SP140L: variants seen among roughly 807,000 people sequenced by gnomAD.
SP140L encodes the protein nuclear body protein SP140-like protein.
A neutral mutation model predicts 84.3 loss-of-function variants in SP140L; 64 were observed. The observed-to-expected ratio is 0.76, with a 90% CI of 0.62 to 0.94. The LOEUF is 0.94. SP140L is among the 40% of genes least tolerant of loss of function. The pLI is 0.00. For missense variants in SP140L, 628 were observed against 692.5 expected, an observed-to-expected ratio of 0.91 and a Z score of 1.05; for synonymous variants, 242 against 236.9, an observed-to-expected ratio of 1.02 and a Z score of -0.20.
At chr2:230,355,244 A>C (rs970833743) in intron 2 of SP140L, among the ~76,000 whole-genome samples, 4 of 152,216 alleles carry the variant, frequency 2.6e-5, no homozygotes, top group African/African-American at 7.2e-5. Context: ...GAACTAATAC[A>C]TGAATTTAGC....
chr2:230,393,591 A>C, intron 13 of SP140L, 130 bp downstream of exon 13: 2 of 1,112,132 alleles, frequency 1.8e-6, no homozygotes, highest in South Asian at 2.0e-5. Flanking sequence ...CCCACATATA[A>C]ATTTTTTTAA....
chr2:230,402,765 A>T, intron 18 of SP140L, 33 bp from the exon 19 acceptor site: 1 of 1,526,780 alleles, frequency 6.5e-7, no homozygotes, highest in Non-Finnish European at 9.1e-7. Flanking sequence ...AATGATAAGG[A>T]ACATCGTTTT....
chr2:230,372,780 AT>A (rs2061127997), intron 7 of SP140L: 1 of 151,968 alleles, frequency 6.6e-6, no homozygotes, highest in Non-Finnish European at 1.5e-5. Flanking sequence ...TTAAATAAAA[AT>A]CTAGAAATGA....
chr2:230,375,589 A>T (rs2061218747), intron 7 of SP140L, among the ~76,000 whole-genome samples: 1 of 152,072 alleles, frequency 6.6e-6, no homozygotes, highest in Non-Finnish European at 1.5e-5. Context: ...TAGCTATCCT[A>T]ATAGGTGTGA....
chr2:230,356,150 C>G (rs1339095244), intron 2 of SP140L, among the ~76,000 whole-genome samples: 1 of 152,140 alleles, frequency 6.6e-6, no homozygotes, highest in Non-Finnish European at 1.5e-5. Flanking sequence ...ATGGCTAAAA[C>G]TAGAAAGGCC....
At chr2:230,356,935 C>T (rs1222295419) in intron 2 of SP140L, among the ~76,000 whole-genome samples, 1 of 152,000 alleles carries the variant, frequency 6.6e-6, no homozygotes, top group Non-Finnish European at 1.5e-5. Flanking sequence ...AATAATGCGA[C>T]ATTGTTTCCT....
rs776892334 is a variant in SP140L, at chr2:230,383,576, G to A, written c.703+1G>A. On this transcript the variant is annotated splice_donor_variant, in intron 8 of 18. Coordinates refer to ENST00000415673, the MANE Select transcript of SP140L (RefSeq NM_138402.6). LOFTEE classifies it high-confidence loss of function. ...ACGCAGAAAAACAACCAACAAAATG[G>A]TAAGCAGGCAAAGTGAAGTAGTTAC... The A allele has an allele frequency of 5.6e-6, 9 of 1,600,218 alleles. No individual in the cohort carries two copies. In the South Asian group the frequency reaches 6.8e-5, roughly 12 times the overall value.
chr2:230,376,562 G>A (rs184202868), intron 7 of SP140L, among the ~76,000 whole-genome samples: 67 of 152,188 alleles, frequency 4.4e-4, no homozygotes, highest in African/African-American at 1.5e-3. Flanking sequence ...TGACACTGAT[G>A]AAAGAAATTG....
intron 14 of SP140L, among the ~76,000 whole-genome samples, chr2:230,398,440 T>A (rs910074460): frequency 1.3e-5 from 2 of 152,350 alleles, no homozygotes; most frequent in South Asian, 4.1e-4. Flanking sequence ...AACTTCCACC[T>A]CCAACTCAGA....
At chr2:230,396,314 TA>T (rs1357972205) in intron 13 of SP140L, among the ~76,000 whole-genome samples, 6 of 152,176 alleles carry the variant, frequency 3.9e-5, no homozygotes, top group Non-Finnish European at 7.3e-5. Context: ...GAAGACTGTT[TA>T]AAAAAATAAA....
intron 5 of SP140L, among the ~76,000 whole-genome samples, chr2:230,365,427 A>T (rs2060836528): frequency 6.6e-6 from 1 of 152,046 alleles, no homozygotes; most frequent in Admixed American, 6.6e-5. Flanking sequence ...TCTTTGGTGT[A>T]TAATTGTTCA....
chr2:230,368,614 T>C (rs1222633926), intron 5 of SP140L, among the ~76,000 whole-genome samples: 1 of 152,242 alleles, frequency 6.6e-6, no homozygotes, highest in African/African-American at 2.4e-5. Flanking sequence ...CACAGTCTCA[T>C]AAATCCTGTA....
In SP140L at chr2:230,398,837, G is replaced by C. The variant is rs572587024; in HGVS notation, c.1198-1290G>C. Among the ~76,000 whole-genome samples, 26 of 152,360 alleles carry C rather than the reference G, an allele frequency of 1.7e-4. No homozygotes were observed. The East Asian group carries it at 5.0e-3, about 29-fold the overall frequency. On this transcript the variant is annotated intron_variant, in intron 14 of 18. Transcript: ENST00000415673. The stretch of plus-strand genomic sequence containing the variant: ...AGCCAGTGGCTGTGGAGGGTGGGCT[G>C]TCCCCGGCTTCCAGAGGGAGAGTGT...
At chr2:230,387,124 C>T (rs1427857738) in intron 9 of SP140L, among the ~76,000 whole-genome samples, 1 of 152,168 alleles carries the variant, frequency 6.6e-6, no homozygotes, top group African/African-American at 2.4e-5. Context: ...CTGGAAACCT[C>T]ATCTTCCAGA....
Position 230,327,451 on chromosome 2 carries a change from G to A in SP140L, c.32+150G>A, listed in dbSNP as rs966032369. The A allele has an allele frequency of 1.1e-5, 10 of 947,446 alleles. No individual in the cohort carries two copies. In the African/African-American group the frequency reaches 1.5e-4, roughly 14 times the overall value. 58.7% of individuals were successfully genotyped at this position (947,446 alleles called of 1,614,324 possible). A position where few individuals can be genotyped will look rare whatever the true frequency, so the allele number is the denominator to read the frequency against. On this transcript the variant is annotated intron_variant, in intron 1 of 18. Transcript: ENST00000415673. ...GTAATATAATGGAATAAAAGAGAAT[G>A]TAATAAGGAAATCAGATTTTTACAA...
At position 230,358,948 on chromosome 2, in the gene SP140L, T is replaced by C. The variant is rs971630382; in HGVS notation, c.271-16T>C. On this transcript the variant is annotated splice_polypyrimidine_tract_variant and intron_variant, in intron 3 of 18. Transcript: ENST00000415673. Reference sequence around the variant, plus strand: ...AAAGTCTGTATTTGTATTTTCTCCATTCAATATTTTTAAAGGATTCTGAAG... The same window carrying C: ...AAAGTCTGTATTTGTATTTTCTCCACTCAATATTTTTAAAGGATTCTGAAG... 1.3e-6 allele frequency: 2 copies of C among 1,557,418 alleles called. No homozygotes were observed. The highest frequency in any genetic ancestry group is 2.2e-5 in the Admixed American group (1 of 46,120).
In SP140L at chr2:230,396,783, C is replaced by G. The variant is rs1191101802; in HGVS notation, c.1182C>G (p.Ser394Arg). The G allele has an allele frequency of 1.2e-6, 2 of 1,613,990 alleles. No individual in the cohort carries two copies. Among genetic ancestry groups the G allele is most frequent in the Admixed American group, 1.7e-5 (1 of 60,012 alleles). ...GAATACTGAAGTCTCAAAACAATAGCTCAGTTGACCCTTGTGTAAGTATAA... is the reference window on the plus strand; with the variant it reads ...GAATACTGAAGTCTCAAAACAATAGGTCAGTTGACCCTTGTGTAAGTATAA... ...KKRILKSQNN[S>R]SVDPCMRNLD... Residue 394 changes from serine (S) to arginine (R), a missense_variant, in exon 14 of 19, where the codon AGC (serine) becomes AGG (arginine). Physicochemically the swap from Ser to Arg is moderately radical, Grantham distance 110 (BLOSUM62 -1). Coordinates refer to ENST00000415673, the MANE Select transcript of SP140L (RefSeq NM_138402.6).
intron 2 of SP140L, among the ~76,000 whole-genome samples, chr2:230,329,910 C>T (rs2059680831): frequency 2.0e-5 from 3 of 152,202 alleles, no homozygotes; most frequent in Admixed American, 1.3e-4. Flanking sequence ...TATAGCTCTG[C>T]AAGCTCCCCT....
intron 7 of SP140L, 137 bp downstream of exon 7, chr2:230,371,788 A>C: frequency 9.2e-6 from 7 of 758,840 alleles, no homozygotes; most frequent in East Asian, 2.9e-5. Context: ...CACCCCAAAA[A>C]ACGTCCACCT....
Sources: allele counts gnomAD v4.1 joint callset (sites outside exome capture counted in the v4.1 genomes callset), GRCh38; gene constraint gnomAD v4.1.1; transcripts MANE v1.5; gene names NCBI Gene and HGNC (gene_info 2026-07-23, HGNC 2026-07-21).